The following RALGAPA2 variants were observed in gnomAD, a reference collection of about 807,000 sequenced individuals.
RALGAPA2 encodes the protein ral GTPase-activating protein subunit alpha-2.
In RALGAPA2, 139 loss-of-function variants were observed where a neutral mutation model predicts 230.4. That is an observed-to-expected ratio of 0.60 (90% CI 0.53 to 0.69). The LOEUF (loss-of-function observed/expected upper bound fraction) is 0.69, where lower values mean the gene tolerates loss of function less well. Among genes scored for constraint, RALGAPA2 ranks in the 30% least tolerant of loss-of-function variants. The pLI is 0.00. For synonymous variants in RALGAPA2, 847 were observed against 837.8 expected, an observed-to-expected ratio of 1.01 and a Z score of -0.19; for missense variants, 2,163 against 2,276.0, an observed-to-expected ratio of 0.95 and a Z score of 1.01.
intron 14 of RALGAPA2, among the ~76,000 whole-genome samples, chr20:20,607,429 T>C (rs953857007): frequency 6.6e-6 from 1 of 152,150 alleles, no homozygotes; most frequent in African/African-American, 2.4e-5. Flanking sequence ...GATTCTAACA[T>C]GTATGAACTT....
Position 20,536,788 on chromosome 20 carries a change from C to A in RALGAPA2, c.3286-4G>T, listed in dbSNP as rs2063509680. The A allele has an allele frequency of 3.7e-6, 6 of 1,610,332 alleles. No individual in the cohort carries two copies. Among genetic ancestry groups the A allele is most frequent in the Non-Finnish European group, 5.1e-6 (6 of 1,177,538 alleles). Reference sequence around the variant, plus strand: ...TGACAGCCTCTGAACGAGGCGCCTGCACATAAGGAAGAGGAGCACACACAT... The same window carrying A: ...TGACAGCCTCTGAACGAGGCGCCTGAACATAAGGAAGAGGAGCACACACAT... On this transcript the variant is annotated splice_polypyrimidine_tract_variant and splice_region_variant and intron_variant, in intron 24 of 39. Transcript: ENST00000202677.
intron 24 of RALGAPA2, among the ~76,000 whole-genome samples, chr20:20,541,074 T>TTTTTG: frequency 6.6e-6 from 1 of 151,554 alleles, no homozygotes; most frequent in African/African-American, 2.4e-5. Context: ...TTTTTTTTTT[T>TTTTTG]TACGTATACA....
chr20:20,474,813 G>A (rs1008516380), intron 36 of RALGAPA2, among the ~76,000 whole-genome samples: 6 of 152,182 alleles, frequency 3.9e-5, no homozygotes, highest in Non-Finnish European at 8.8e-5. Context: ...TTGGGCAGGA[G>A]TAGCTATACC....
At chr20:20,457,438 T>C (rs2061148987) in intron 37 of RALGAPA2, among the ~76,000 whole-genome samples, 1 of 152,216 alleles carries the variant, frequency 6.6e-6, no homozygotes, top group Admixed American at 6.5e-5. Context: ...TAAAGATGAG[T>C]TGCTCATTTT....
At chr20:20,562,359 A>G (rs1458421380) in intron 23 of RALGAPA2, among the ~76,000 whole-genome samples, 1 of 152,202 alleles carries the variant, frequency 6.6e-6, no homozygotes, top group African/African-American at 2.4e-5. Flanking sequence ...GCAAAAGAAC[A>G]TGTTCTCAAC....
At chr20:20,554,267 T>C (rs2064015478) in intron 23 of RALGAPA2, among the ~76,000 whole-genome samples, 2 of 152,228 alleles carry the variant, frequency 1.3e-5, no homozygotes, top group South Asian at 4.1e-4. Context: ...TGGCATTTTG[T>C]GTATGGTTTC....
intron 17 of RALGAPA2, among the ~76,000 whole-genome samples, chr20:20,590,070 G>C (rs907355043): frequency 6.6e-6 from 1 of 150,830 alleles, no homozygotes; most frequent in East Asian, 1.9e-4. Flanking sequence ...ACTGTGCAAC[G>C]GCTAAATTAA....
intron 37 of RALGAPA2, among the ~76,000 whole-genome samples, chr20:20,465,149 TCACACACACACACACACACA>T (rs74180992): frequency 1.6e-4 from 17 of 109,210 alleles, no homozygotes; most frequent in South Asian, 1.4e-3. Context: ...CCGCAGGCCT[TCACACACACACACACACACA>T]CACACACACA....
At chr20:20,572,789 C>G (rs2064687801) in intron 21 of RALGAPA2, 86 bp downstream of exon 21, 3 of 1,149,924 alleles carry the variant, frequency 2.6e-6, no homozygotes, top group Non-Finnish European at 3.6e-6. Context: ...GGAATATGTT[C>G]AGTAGTTAAC....
chr20:20,579,462 A>G (rs1480442562), intron 20 of RALGAPA2, among the ~76,000 whole-genome samples: 1 of 152,100 alleles, frequency 6.6e-6, no homozygotes, highest in East Asian at 1.9e-4. Flanking sequence ...ACCAAACCTT[A>G]CTTTAAAAGT....
intron 37 of RALGAPA2, among the ~76,000 whole-genome samples, chr20:20,454,491 C>CTTCA (rs1279874246): frequency 6.6e-6 from 1 of 152,208 alleles, no homozygotes; most frequent in African/African-American, 2.4e-5. Flanking sequence ...TATTTGCTTT[C>CTTCA]TTCAGATCAG....
intron 37 of RALGAPA2, among the ~76,000 whole-genome samples, chr20:20,433,929 G>C (rs1355742642): frequency 2.0e-5 from 3 of 152,198 alleles, no homozygotes; most frequent in Non-Finnish European, 4.4e-5. Flanking sequence ...ATTTTATATA[G>C]TAAAGTATAC....
At chr20:20,484,439 G>A (rs2061855946) in intron 36 of RALGAPA2, among the ~76,000 whole-genome samples, 1 of 152,108 alleles carries the variant, frequency 6.6e-6, no homozygotes, top group Non-Finnish European at 1.5e-5. Context: ...GGCTGCTCAG[G>A]AAATGGTTCA....
chr20:20,610,691 AC>A (rs894335230), intron 14 of RALGAPA2, among the ~76,000 whole-genome samples: 2 of 152,040 alleles, frequency 1.3e-5, no homozygotes, highest in Admixed American at 1.3e-4. Flanking sequence ...CAAAGCCTTA[AC>A]TACACTTGCA....
intron 37 of RALGAPA2, among the ~76,000 whole-genome samples, chr20:20,440,365 C>T (rs530660586): frequency 6.6e-6 from 1 of 152,298 alleles, no homozygotes; most frequent in African/African-American, 2.4e-5. Flanking sequence ...ACAGTGGTCA[C>T]TGAGTATTTA....
At chr20:20,527,766 T>C (rs749742720) in intron 27 of RALGAPA2, among the ~76,000 whole-genome samples, 5 of 152,218 alleles carry the variant, frequency 3.3e-5, no homozygotes, top group African/African-American at 9.6e-5. Flanking sequence ...ATGCCTAGCA[T>C]GGCCCCCTTA....
At position 20,512,416 on chromosome 20, in the gene RALGAPA2, C is replaced by T. The variant is rs2062739844; in HGVS notation, c.4856+97G>A. On this transcript the variant is annotated intron_variant, in intron 32 of 39. Transcript: ENST00000202677. ...AGAAAAATCTCCCTTCTCCTCTCTT[C>T]CCCAATCTTTTCTTCTTCCCCAACC... 4.7e-5 allele frequency: 58 copies of T among 1,239,496 alleles called. No homozygotes were observed. The South Asian group carries it at 8.9e-4, about 19-fold the overall frequency. 76.8% of individuals were successfully genotyped at this position (1,239,496 alleles called of 1,614,324 possible).
At chr20:20,514,883 T>C (rs2062821910) in intron 31 of RALGAPA2, among the ~76,000 whole-genome samples, 1 of 152,112 alleles carries the variant, frequency 6.6e-6, no homozygotes. Flanking sequence ...GATCAGGAGT[T>C]TAGGTGCCCC....
intron 24 of RALGAPA2, among the ~76,000 whole-genome samples, chr20:20,540,140 G>A (rs2063604737): frequency 6.6e-6 from 1 of 152,128 alleles, no homozygotes; most frequent in Non-Finnish European, 1.5e-5. Flanking sequence ...TGGGATTGCT[G>A]GGTCATATGG....
Sources: gnomAD v4.1 joint callset for allele counts (sites outside exome capture counted in the v4.1 genomes callset) on GRCh38, gnomAD v4.1.1 for gene constraint, MANE v1.5 for transcripts, NCBI Gene and HGNC (gene_info 2026-07-23, HGNC 2026-07-21) for gene names.